The following TNRC6B variants were observed in gnomAD, a reference collection of about 807,000 sequenced individuals.
TNRC6B encodes trinucleotide repeat containing adaptor 6B, also known as trinucleotide repeat-containing gene 6B protein.
TNRC6B carries 52 observed loss-of-function variants against 203.6 expected under a neutral mutation model. The ratio of observed to expected loss-of-function variants is 0.26; its 90% confidence interval spans 0.20 to 0.32. The LOEUF (loss-of-function observed/expected upper bound fraction) is 0.32. Among genes scored for constraint, TNRC6B ranks in the 10% least tolerant of loss-of-function variants. TNRC6B has a pLI of 1.00. For missense variants in TNRC6B, 1,923 were observed against 2,286.2 expected (o/e 0.84, Z 3.24); for synonymous variants, 838 against 845.7 (o/e 0.99, Z 0.16).
At chr22:40,205,343 A>G (rs973211978) in intron 1 of TNRC6B, among the ~76,000 whole-genome samples, 1 of 152,230 alleles carries the variant, frequency 6.6e-6, no homozygotes, top group Non-Finnish European at 1.5e-5. Flanking sequence ...ACCAGTACTG[A>G]AAAGGGATTA....
At chr22:40,136,439 C>T (rs1376844032) in intron 3 of TNRC6B, among the ~76,000 whole-genome samples, 5 of 147,568 alleles carry the variant, frequency 3.4e-5, no homozygotes, top group East Asian at 4.0e-4. Context: ...TGCTCTGTCG[C>T]GTAGGCTGGA....
chr22:40,265,100 G>C lies in TNRC6B; in HGVS notation c.870G>C (p.Gln290His), dbSNP rs1250756870. The C allele has an allele frequency of 6.2e-7, 1 of 1,614,000 alleles. No individual in the cohort carries two copies. The highest frequency in any genetic ancestry group is 1.1e-5 in the South Asian group (1 of 91,086). ...GAAATTGGAGGAATGTGAGTGGTCA[G>C]GATAGAATTGGACCTGGCTCTGGCT... is the stretch of plus-strand genomic sequence containing the variant. ...GLGNWRNVSG[Q>H]DRIGPGSGFS... The change falls in exon 5 of 23, where the codon CAG becomes CAC. Residue 290 changes from glutamine to histidine, a missense_variant. Gln to His is a conservative substitution (Grantham distance 24). Transcript: ENST00000454349.
Position 40,060,133 on chromosome 22 carries a change from AT to A in TNRC6B, c.-121+15145del, listed in dbSNP as rs1300618797. ...GCGTGAGGCACTGTGCCCGGCCATC[AT>A]TTTTTTTTTCTTTTTTTTTTTTTTT... On this transcript the variant is annotated intron_variant, in intron 1 of 23. Transcript: ENST00000301923. 6.2e-3 allele frequency among the ~76,000 whole-genome samples: 760 copies of A among 123,192 alleles called. 3 individuals are homozygous for A. Among genetic ancestry groups the A allele is most frequent in the Non-Finnish European group, 0.01 (600 of 58,954 alleles). The allele number at this position is 123,192 out of a possible 152,430, so 80.8% of individuals were successfully genotyped here.
At chr22:40,307,732 A>G (rs572695195) in intron 15 of TNRC6B, among the ~76,000 whole-genome samples, 1 of 152,222 alleles carries the variant, frequency 6.6e-6, no homozygotes, top group East Asian at 1.9e-4. Flanking sequence ...CTCATTGCTT[A>G]AAGACTACTT....
intron 3 of TNRC6B, among the ~76,000 whole-genome samples, chr22:40,146,890 A>G (rs2068700231): frequency 6.6e-6 from 1 of 152,210 alleles, no homozygotes; most frequent in Non-Finnish European, 1.5e-5. Context: ...AGTCAAAGGA[A>G]TAAATCCAAA....
At chr22:40,170,591 T>TTATATATATAGTTTATATATATTA (rs751198797) in intron 4 of TNRC6B, among the ~76,000 whole-genome samples, 1 of 16,538 alleles carries the variant, frequency 6.0e-5, no homozygotes, top group Non-Finnish European at 8.9e-5. Context: ...TATATATATA[T>TTATATATATAGTTTATATATATTA]TATATATAGT....
intron 3 of TNRC6B, among the ~76,000 whole-genome samples, chr22:40,138,388 CTT>C (rs1376819128): frequency 1.2e-4 from 18 of 152,156 alleles, no homozygotes; most frequent in Admixed American, 1.2e-3. Context: ...GCCTCAGCCT[CTT>C]GAGTAGCTGG....
chr22:40,146,780 G>T (rs181981911), intron 3 of TNRC6B, among the ~76,000 whole-genome samples: 4 of 151,918 alleles, frequency 2.6e-5, no homozygotes, highest in African/African-American at 4.8e-5. Context: ...GGCTAGGCTG[G>T]CCTTGAACTC....
chr22:40,214,935 A>G (rs895654287), intron 1 of TNRC6B, among the ~76,000 whole-genome samples: 1 of 152,236 alleles, frequency 6.6e-6, no homozygotes, highest in Non-Finnish European at 1.5e-5. Flanking sequence ...TGAATAAAGC[A>G]GGTCTCCCTT....
intron 15 of TNRC6B, among the ~76,000 whole-genome samples, chr22:40,305,139 TGA>T (rs1175756945): frequency 6.6e-6 from 1 of 152,010 alleles, no homozygotes; most frequent in African/African-American, 2.4e-5. Context: ...GTGTGGAGAA[TGA>T]GAGAGAGTAA....
At chr22:40,321,510 G>A (rs772458074) in intron 22 of TNRC6B, 6 of 327,096 alleles carry the variant, frequency 1.8e-5, no homozygotes, top group South Asian at 9.2e-5. Context: ...AGCTAGGGCC[G>A]GGCACAGTGG....
At chr22:40,106,422 G>A in intron 1 of TNRC6B, 2 of 968,376 alleles carry the variant, frequency 2.1e-6, no homozygotes, top group South Asian at 1.3e-5. Context: ...GCCTCATGGA[G>A]AAGATAATTT....
At chr22:40,193,965 G>GT (rs138457535) in intron 1 of TNRC6B, among the ~76,000 whole-genome samples, 10 of 152,204 alleles carry the variant, frequency 6.6e-5, no homozygotes, top group African/African-American at 1.7e-4. Context: ...CTGTGCAGGG[G>GT]TTTTTTTTCC....
intron 1 of TNRC6B, among the ~76,000 whole-genome samples, chr22:40,238,211 G>A (rs985639908): frequency 1.1e-4 from 16 of 152,116 alleles, no homozygotes; most frequent in Non-Finnish European, 2.2e-4. Context: ...AGAGGCTTCA[G>A]CTGTGGCAAA....
At chr22:40,122,594 AAAGT>A (rs1347421598) in intron 2 of TNRC6B, among the ~76,000 whole-genome samples, 2 of 152,142 alleles carry the variant, frequency 1.3e-5, no homozygotes, top group African/African-American at 4.8e-5. Context: ...ACTCACCATT[AAAGT>A]AAGATCCTGT....
intron 1 of TNRC6B, among the ~76,000 whole-genome samples, chr22:40,178,496 GC>G (rs2069093708): frequency 6.6e-6 from 1 of 152,138 alleles, no homozygotes; most frequent in African/African-American, 2.4e-5. Context: ...TAAATCTGCT[GC>G]AAAAATTTGC....
At chr22:40,237,336 G>T (rs1360894004) in intron 1 of TNRC6B, among the ~76,000 whole-genome samples, 1 of 152,194 alleles carries the variant, frequency 6.6e-6, no homozygotes, top group Non-Finnish European at 1.5e-5. Flanking sequence ...GTGCTGTCTG[G>T]GTTGTGAGGT....
chr22:40,056,862 C>T lies in TNRC6B; in HGVS notation c.-121+11864C>T, dbSNP rs377345940. Among the ~76,000 whole-genome samples the T allele has an allele frequency of 9.9e-5, 15 of 151,210 alleles. No individual in the cohort carries two copies. In the South Asian group the frequency reaches 1.7e-3, roughly 17 times the overall value. ...TAAAAGATATACAGGAAGCACCCAG[C>T]GGAGAAAGAAAAATGGAAGTTGCTT... On this transcript the variant is annotated intron_variant, in intron 1 of 23. Transcript: ENST00000301923.
chr22:40,174,320 C>T (rs975452744), upstream of TNRC6B, among the ~76,000 whole-genome samples: 12 of 152,040 alleles, frequency 7.9e-5, no homozygotes, highest in Non-Finnish European at 1.6e-4. Context: ...GTTGGGACTA[C>T]AGGCGTGTGC....
Sources: gnomAD v4.1 joint callset for allele counts (sites outside exome capture counted in the v4.1 genomes callset) on GRCh38, gnomAD v4.1.1 for gene constraint, MANE v1.5 for transcripts, NCBI Gene and HGNC (gene_info 2026-07-23, HGNC 2026-07-21) for gene names.